The following NAALADL2 variants were observed in gnomAD, a reference collection of about 807,000 sequenced individuals.
NAALADL2 encodes the protein inactive N-acetylated-alpha-linked acidic dipeptidase-like protein 2.
A neutral mutation model predicts 87.2 loss-of-function variants in NAALADL2; 76 were observed. The observed-to-expected ratio is 0.87, with a 90% CI of 0.72 to 1.05. The LOEUF (loss-of-function observed/expected upper bound fraction) is 1.05. NAALADL2 is among the 50% of genes least tolerant of loss of function. The pLI is 0.00. For synonymous variants in NAALADL2, 354 were observed against 331.0 expected (o/e 1.07, Z -0.75); for missense variants, 1,089 against 945.8 (o/e 1.15, Z -1.99).
At chr3:174,496,510 TTATATATATA>T (rs5854577) in intron 1 of NAALADL2, among the ~76,000 whole-genome samples, 1 of 145,736 alleles carries the variant, frequency 6.9e-6, no homozygotes, top group Non-Finnish European at 1.5e-5. Flanking sequence ...TATTTATATA[TTATATATATA>T]TATATATATA....
intron 4 of NAALADL2, among the ~76,000 whole-genome samples, chr3:175,300,068 T>C (rs1001023602): frequency 2.6e-5 from 4 of 152,220 alleles, no homozygotes; most frequent in Non-Finnish European, 5.9e-5. Context: ...TCATTGATTC[T>C]GTTTATGTGA....
At chr3:174,722,727 T>C (rs1171860638) in intron 2 of NAALADL2, among the ~76,000 whole-genome samples, 2 of 152,108 alleles carry the variant, frequency 1.3e-5, no homozygotes, top group Non-Finnish European at 2.9e-5. Context: ...TAAGGTAGGA[T>C]GGAAATATTT....
chr3:175,324,405 G>A, intron 5 of NAALADL2, 80 bp downstream of exon 5: 1 of 1,079,530 alleles, frequency 9.3e-7, no homozygotes. Flanking sequence ...CTATCTATCA[G>A]GAATAGTGAT....
chr3:174,660,722 C>T (rs914701253), intron 2 of NAALADL2, among the ~76,000 whole-genome samples: 6 of 151,902 alleles, frequency 3.9e-5, no homozygotes, highest in African/African-American at 1.5e-4. Context: ...AAAAGGAATA[C>T]ATTGTACTTT....
At chr3:175,326,822 T>C (rs9839755) in intron 5 of NAALADL2, among the ~76,000 whole-genome samples, 32,901 of 152,120 alleles carry the variant, frequency 0.22, 4,025 homozygotes, top group East Asian at 0.46. Flanking sequence ...TGTGTGAGAA[T>C]ACTTCATGAT....
chr3:174,474,648 C>T (rs1717105954), intron 1 of NAALADL2, among the ~76,000 whole-genome samples: 1 of 152,072 alleles, frequency 6.6e-6, no homozygotes, highest in African/African-American at 2.4e-5. Flanking sequence ...TTTCTCATTA[C>T]TTGGAAGAAC....
At chr3:175,722,374 A>G in intron 11 of NAALADL2, among the ~76,000 whole-genome samples, 1 of 152,132 alleles carries the variant, frequency 6.6e-6, no homozygotes, top group East Asian at 1.9e-4. Flanking sequence ...TATTCCATGA[A>G]TGACATAGTA....
chr3:175,347,317 T>C (rs1208055637), intron 5 of NAALADL2, among the ~76,000 whole-genome samples: 2 of 152,218 alleles, frequency 1.3e-5, no homozygotes, highest in Middle Eastern at 3.2e-3. Flanking sequence ...TTTTATGCTT[T>C]GTATTTTATA....
intron 3 of NAALADL2, among the ~76,000 whole-genome samples, chr3:174,838,368 C>G (rs1004561238): frequency 1.3e-5 from 2 of 152,164 alleles, no homozygotes; most frequent in African/African-American, 4.8e-5. Flanking sequence ...CCACCTATGA[C>G]AGACCCACGG....
intron 10 of NAALADL2, among the ~76,000 whole-genome samples, chr3:175,617,457 G>T (rs1725503553): frequency 6.6e-6 from 1 of 152,172 alleles, no homozygotes. Context: ...GGTGGAGGCG[G>T]CTTCCTCATG....
intron 1 of NAALADL2, among the ~76,000 whole-genome samples, chr3:175,056,500 G>A (rs1712210428): frequency 6.6e-6 from 1 of 152,070 alleles, no homozygotes; most frequent in Non-Finnish European, 1.5e-5. Context: ...CCACGTATGG[G>A]TGCCACTTGC....
intron 1 of NAALADL2, among the ~76,000 whole-genome samples, chr3:174,454,969 T>C (rs1407153554): frequency 2.8e-5 from 4 of 145,170 alleles, no homozygotes; most frequent in African/African-American, 1.0e-4. Context: ...TTTTGAAAAA[T>C]ATTACTAAAA....
At chr3:175,079,622 TA>T (rs1717344863) in intron 1 of NAALADL2, among the ~76,000 whole-genome samples, 1 of 152,186 alleles carries the variant, frequency 6.6e-6, no homozygotes, top group Non-Finnish European at 1.5e-5. Context: ...GATATTGACA[TA>T]AACAACTCCA....
At chr3:175,111,043 G>C (rs183414812) in intron 2 of NAALADL2, among the ~76,000 whole-genome samples, 6 of 151,726 alleles carry the variant, frequency 4.0e-5, no homozygotes, top group Non-Finnish European at 7.4e-5. Flanking sequence ...AAGAAAAAAG[G>C]CTACCCTGTA....
chr3:174,878,373 G>A (rs1232357963), intron 1 of NAALADL2, among the ~76,000 whole-genome samples: 1 of 151,986 alleles, frequency 6.6e-6, no homozygotes, highest in East Asian at 1.9e-4. Context: ...TGGCCAACCT[G>A]TTGAATCATT....
At position 175,524,564 on chromosome 3, in the gene NAALADL2, A is replaced by G. The variant is rs1582249345; in HGVS notation, c.1654-51477A>G. Among the ~76,000 whole-genome samples the G allele has an allele frequency of 2.6e-5, 4 of 152,238 alleles. No homozygotes were observed. In the South Asian group the frequency reaches 6.2e-4, roughly 24 times the overall value. ...GATTTCTCTTCCTTATATAGTTTAT[A>G]CCACTTAATTCTGTAATATCAACAC... On this transcript the variant is annotated intron_variant, in intron 9 of 13. Coordinates refer to ENST00000454872, the MANE Select transcript of NAALADL2 (RefSeq NM_207015.3).
chr3:174,620,464 T>C (rs968718317), intron 2 of NAALADL2, among the ~76,000 whole-genome samples: 13 of 151,958 alleles, frequency 8.6e-5, no homozygotes, highest in Non-Finnish European at 1.9e-4. Context: ...AACTGGCTAC[T>C]AAGTTAATAG....
chr3:174,943,995 A>G (rs1389607207), intron 1 of NAALADL2, among the ~76,000 whole-genome samples: 1 of 152,064 alleles, frequency 6.6e-6, no homozygotes, highest in Non-Finnish European at 1.5e-5. Flanking sequence ...GGATCTGTCC[A>G]GTGAGGAGAT....
At chr3:174,926,522 C>G (rs1034373936) in intron 1 of NAALADL2, among the ~76,000 whole-genome samples, 13 of 152,122 alleles carry the variant, frequency 8.5e-5, no homozygotes, top group Non-Finnish European at 1.6e-4. Flanking sequence ...AGAAACTCTA[C>G]AAGCCAGAAG....
Sources: gnomAD v4.1 joint callset for allele counts (sites outside exome capture counted in the v4.1 genomes callset) on GRCh38, gnomAD v4.1.1 for gene constraint, MANE v1.5 for transcripts, NCBI Gene and HGNC (gene_info 2026-07-23, HGNC 2026-07-21) for gene names.